APOL5: variants seen among roughly 807,000 people sequenced by gnomAD.
The protein encoded by APOL5 is apolipoprotein L5, also known as apolipoprotein L, 5.
Under a neutral mutation model 35.5 loss-of-function variants are expected in APOL5, and 29 were observed. The observed-to-expected ratio is 0.82, with a 90% CI of 0.61 to 1.11. The LOEUF is 1.11. APOL5 is among the 50% of genes most tolerant of loss of function. The pLI is 0.00. For missense variants in APOL5, 514 were observed against 530.4 expected (o/e 0.97, Z 0.30); for synonymous variants, 188 against 200.2 (o/e 0.94, Z 0.51).
In APOL5 at chr22:35,717,938, T is replaced by A; in HGVS notation, c.55+12T>A. The A allele has an allele frequency of 1.3e-6, 2 of 1,556,866 alleles. No homozygotes were observed. The stretch of plus-strand genomic sequence containing the variant: ...CAAGGTGTTACCTGGTAAGTTCTTT[T>A]AAGCTTTCAGAAAACAAGCAATTCT... On this transcript the variant is annotated intron_variant, in intron 1 of 4. Transcript: ENST00000249044.
chr22:35,722,485 T>G (rs1156789880), intron 2 of APOL5, among the ~76,000 whole-genome samples: 1 of 152,144 alleles, frequency 6.6e-6, no homozygotes, highest in Admixed American at 6.5e-5. Flanking sequence ...GTATTTTTAG[T>G]AGACAGGGTT....
the APOL5 span, among the ~76,000 whole-genome samples, chr22:35,708,583 C>A: frequency 6.6e-6 from 1 of 152,186 alleles, no homozygotes. Flanking sequence ...AGGATCACAT[C>A]TGTGCTCTTC....
chr22:35,727,036 C>A lies in APOL5; in HGVS notation c.968C>A (p.Thr323Lys). ...SWKHLEDGAR[T>K]ETAEELRALA... ...AAGCACCTGGAGGATGGGGCAAGGA[C>A]GGAGACAGCAGAGGAACTGAGAGCA... Residue 323 changes from threonine to lysine, a missense_variant, in exon 3 of 5, where the codon ACG becomes AAG. Thr to Lys is a moderately conservative substitution (Grantham distance 78, BLOSUM62 -1). Around this residue, in one of 3 missense-constraint regions of APOL5, gnomAD observed 238 missense variants for 229.1 expected, o/e 1.04. Transcript: ENST00000249044. 6.2e-7 allele frequency: 1 copy of A among 1,613,756 alleles called. No individual in the cohort carries two copies.
chr22:35,718,890 C>T (rs1796615108), intron 1 of APOL5, among the ~76,000 whole-genome samples: 1 of 151,994 alleles, frequency 6.6e-6, no homozygotes, highest in Non-Finnish European at 1.5e-5. Flanking sequence ...AAACCCCCAT[C>T]TCTACTACAA....
chr22:35,726,108 A>G (rs766319542), intron 2 of APOL5, 103 bp from the exon 3 acceptor site: 5 of 1,345,338 alleles, frequency 3.7e-6, no homozygotes, highest in Non-Finnish European at 5.1e-6. Flanking sequence ...TAATTTCCCC[A>G]CTGTTAGAAT....
At chr22:35,719,743 GTT>G (rs1926894111) in intron 1 of APOL5, among the ~76,000 whole-genome samples, 1 of 17,744 alleles carries the variant, frequency 5.6e-5, no homozygotes, top group Non-Finnish European at 1.2e-4. Flanking sequence ...AGGGTTGAGT[GTT>G]TGCAGCTCCC....
At chr22:35,728,971 T>A (rs1165818356) in intron 4 of APOL5, 67 bp downstream of exon 4, 1 of 1,458,492 alleles carries the variant, frequency 6.9e-7, no homozygotes, top group Non-Finnish European at 9.0e-7. Context: ...CCTCCTTGGG[T>A]GGGTGGGCTT....
intron 2 of APOL5, among the ~76,000 whole-genome samples, chr22:35,725,953 G>A (rs1169662806): frequency 6.6e-6 from 1 of 152,182 alleles, no homozygotes; most frequent in African/African-American, 2.4e-5. Flanking sequence ...CTGGGAAAGG[G>A]CTGTTATCAT....
At chr22:35,716,565 A>G (rs1346231961), upstream of APOL5, among the ~76,000 whole-genome samples, 1 of 152,188 alleles carries the variant, frequency 6.6e-6, no homozygotes, top group Non-Finnish European at 1.5e-5. Flanking sequence ...CCTGGCTTCT[A>G]TTGGCTTTTA....
At chr22:35,719,991 C>T (rs1926904604) in intron 1 of APOL5, among the ~76,000 whole-genome samples, 1 of 152,196 alleles carries the variant, frequency 6.6e-6, no homozygotes, top group Non-Finnish European at 1.5e-5. Context: ...CTGCCTTTGG[C>T]TAAATTCCAT....
chr22:35,719,629 T>G (rs1165916645), intron 1 of APOL5, among the ~76,000 whole-genome samples: 1 of 152,114 alleles, frequency 6.6e-6, no homozygotes, highest in East Asian at 1.9e-4. Flanking sequence ...TAAAACGGGG[T>G]GTGGCTCACT....
chr22:35,709,359 C>T, the APOL5 span, among the ~76,000 whole-genome samples: 1 of 141,152 alleles, frequency 7.1e-6, no homozygotes, highest in Non-Finnish European at 1.6e-5. Flanking sequence ...ATAAAACACA[C>T]AAAATTTTCA....
At chr22:35,713,345 G>C (rs796528742), upstream of APOL5, among the ~76,000 whole-genome samples, 12 of 152,296 alleles carry the variant, frequency 7.9e-5, no homozygotes, top group African/African-American at 2.6e-4. Context: ...TACTATGATG[G>C]AGATAGCGAG....
intron 4 of APOL5, among the ~76,000 whole-genome samples, chr22:35,729,121 C>T (rs1177237380): frequency 6.6e-6 from 1 of 152,172 alleles, no homozygotes; most frequent in African/African-American, 2.4e-5. Context: ...ATGGGCCATT[C>T]GTTCATTCAT....
intron 4 of APOL5, 81 bp downstream of exon 4, chr22:35,728,985 G>T: frequency 7.1e-7 from 1 of 1,404,310 alleles, no homozygotes; most frequent in Non-Finnish European, 9.4e-7. Context: ...TGGGCTTCAG[G>T]GAAAGAGAGG....
upstream of APOL5, among the ~76,000 whole-genome samples, chr22:35,714,518 G>C (rs193043233): frequency 6.6e-6 from 1 of 152,178 alleles, no homozygotes; most frequent in African/African-American, 2.4e-5. Context: ...ATGGCAAACA[G>C]TAGTAGCAGA....
upstream of APOL5, chr22:35,717,738 C>CAAAAAA (rs71322979): frequency 0.067 from 12,687 of 188,914 alleles, 1,856 homozygotes; most frequent in African/African-American, 0.4. Context: ...AGCTCCATCG[C>CAAAAAA]AAAAAAAAAA....
At chr22:35,717,012 C>T (rs1435568980), upstream of APOL5, among the ~76,000 whole-genome samples, 2 of 88,664 alleles carry the variant, frequency 2.3e-5, no homozygotes, top group Admixed American at 1.0e-4. Flanking sequence ...TGTGTTGTGC[C>T]GTTGTGTTGT....
At chr22:35,709,121 A>G in the APOL5 span, among the ~76,000 whole-genome samples, 1 of 152,196 alleles carries the variant, frequency 6.6e-6, no homozygotes, top group Admixed American at 6.5e-5. Flanking sequence ...TGGACTTGAA[A>G]TGACCTGTGT....
Sources: gnomAD v4.1 joint callset for allele counts (sites outside exome capture counted in the v4.1 genomes callset) on GRCh38, gnomAD v4.1.1 for gene constraint, gnomAD v4.1.1 regional missense constraint, MANE v1.5 for transcripts, NCBI Gene and HGNC (gene_info 2026-07-23, HGNC 2026-07-21) for gene names.